PIP4P2: variants seen among roughly 807,000 people sequenced by gnomAD.
The protein encoded by PIP4P2 is phosphatidylinositol-4,5-bisphosphate 4-phosphatase 2, also known as type 2 phosphatidylinositol 4,5-bisphosphate 4-phosphatase.
PIP4P2 carries 19 observed loss-of-function variants against 33.3 expected under a neutral mutation model. The observed-to-expected ratio is 0.57, with a 90% CI of 0.40 to 0.84. The LOEUF is 0.84. Among genes scored for constraint, PIP4P2 ranks in the 40% least tolerant of loss-of-function variants. The pLI, the probability that PIP4P2 is intolerant of heterozygous loss-of-function variation, is 0.00. For missense variants in PIP4P2, 270 were observed against 324.7 expected, an observed-to-expected ratio of 0.83 and a Z score of 1.29; for synonymous variants, 110 against 111.9, an observed-to-expected ratio of 0.98 and a Z score of 0.11.
At chr8:91,013,237 T>A (rs1811863923) in intron 4 of PIP4P2, among the ~76,000 whole-genome samples, 1 of 152,098 alleles carries the variant, frequency 6.6e-6, no homozygotes. Context: ...ACTCAATATA[T>A]ATAATTGAAA....
At chr8:91,010,616 C>G (rs538800569) in intron 4 of PIP4P2, among the ~76,000 whole-genome samples, 8 of 151,848 alleles carry the variant, frequency 5.3e-5, no homozygotes, top group Non-Finnish European at 1.2e-4. Context: ...ACGGAGCAAA[C>G]TAATAACAAA....
At chr8:91,037,968 AC>A (rs1282090231) in intron 1 of PIP4P2, among the ~76,000 whole-genome samples, 1 of 152,168 alleles carries the variant, frequency 6.6e-6, no homozygotes, top group African/African-American at 2.4e-5. Flanking sequence ...TAATTTCTAT[AC>A]CTAAACAAAA....
At chr8:91,034,980 T>C (rs1412872081) in intron 1 of PIP4P2, among the ~76,000 whole-genome samples, 1 of 152,224 alleles carries the variant, frequency 6.6e-6, no homozygotes, top group Non-Finnish European at 1.5e-5. Context: ...CTTAGATTTC[T>C]CCAGGTATAG....
chr8:91,015,049 T>G (rs779833816), intron 4 of PIP4P2, among the ~76,000 whole-genome samples: 55 of 152,114 alleles, frequency 3.6e-4, no homozygotes, highest in Non-Finnish European at 6.3e-4. Context: ...ATAGAGCTTG[T>G]GGACCAGGAA....
intron 4 of PIP4P2, among the ~76,000 whole-genome samples, chr8:91,012,096 T>G (rs1358357430): frequency 2.6e-5 from 4 of 152,122 alleles, no homozygotes; most frequent in Admixed American, 6.6e-5. Flanking sequence ...TTGAGTATTT[T>G]GTCACAGGTC....
At chr8:91,031,877 T>A (rs953642080) in intron 1 of PIP4P2, among the ~76,000 whole-genome samples, 2 of 152,036 alleles carry the variant, frequency 1.3e-5, no homozygotes, top group Non-Finnish European at 2.9e-5. Flanking sequence ...TTTTCCTAAG[T>A]GTGTCCAGCT....
Position 91,008,730 on chromosome 8 carries a change from G to A in PIP4P2, c.539+13C>T. The A allele has an allele frequency of 6.2e-7, 1 of 1,606,878 alleles. No homozygotes were observed. The highest frequency in any genetic ancestry group is 8.5e-7 in the Non-Finnish European group (1 of 1,174,770). On this transcript the variant is annotated intron_variant, in intron 5 of 6. Transcript: ENST00000285419. ...GTATTTCTCAATAATATTTCCAATG[G>A]TAGGGAACTTACATTTTTTTGCAGT...
At chr8:91,021,558 G>A in intron 1 of PIP4P2, 154 bp from the exon 2 acceptor site, 1 of 793,784 alleles carries the variant, frequency 1.3e-6, no homozygotes, top group Admixed American at 2.9e-5. Context: ...TACTTTTAGA[G>A]CACAAACATC....
chr8:91,003,976 T>TAGATAGATA (rs1226592599), intron 5 of PIP4P2, among the ~76,000 whole-genome samples: 4 of 151,398 alleles, frequency 2.6e-5, no homozygotes, highest in African/African-American at 9.7e-5. Context: ...GATAGATAGA[T>TAGATAGATA]AGATAGATAG....
At chr8:91,031,746 C>T (rs769407846) in intron 1 of PIP4P2, among the ~76,000 whole-genome samples, 1 of 152,160 alleles carries the variant, frequency 6.6e-6, no homozygotes, top group Non-Finnish European at 1.5e-5. Context: ...AATATATTAT[C>T]TTTCTCATTT....
At chr8:91,014,445 A>G (rs1811883929) in intron 4 of PIP4P2, among the ~76,000 whole-genome samples, 1 of 152,284 alleles carries the variant, frequency 6.6e-6, no homozygotes, top group Middle Eastern at 3.4e-3. Flanking sequence ...ATTTGTAACA[A>G]CATGTATTAA....
Position 91,032,366 on chromosome 8 carries a change from T to A in PIP4P2, c.106+8278A>T, listed in dbSNP as rs184560528. Among the ~76,000 whole-genome samples, 23 of 152,128 alleles carry A rather than the reference T, an allele frequency of 1.5e-4. 1 individual carries two copies. The East Asian group carries it at 3.7e-3, about 24-fold the overall frequency. On this transcript the variant is annotated intron_variant, in intron 1 of 6. Transcript: ENST00000285419. ...TGCACACCCCCATTACCACCAAAAA[T>A]TTTTCTAAAAAAGCATAGAAACCCT...
chr8:91,023,703 G>T (rs1241342344), intron 1 of PIP4P2, among the ~76,000 whole-genome samples: 1 of 152,024 alleles, frequency 6.6e-6, no homozygotes, highest in Admixed American at 6.6e-5. Context: ...GCTCCACGAG[G>T]CCAGGGGCAC....
intron 6 of PIP4P2, 25 bp from the exon 7 acceptor site, chr8:90,995,845 C>A (rs1463861089): frequency 1.6e-5 from 26 of 1,581,610 alleles, no homozygotes; most frequent in Non-Finnish European, 2.1e-5. Context: ...AATATAAAAA[C>A]AAAATATTAG....
chr8:91,002,475 G>T (rs1212618590), intron 5 of PIP4P2, among the ~76,000 whole-genome samples: 2 of 152,140 alleles, frequency 1.3e-5, no homozygotes, highest in Non-Finnish European at 2.9e-5. Context: ...TGGTAGTGTA[G>T]CTAGTGCTAC....
Position 90,994,116 on chromosome 8 carries a change from A to G in PIP4P2, c.*1561T>C, listed in dbSNP as rs1022910672. The G allele has an allele frequency of 3.3e-5, 5 of 152,200 alleles. No individual in the cohort carries two copies. The highest frequency in any genetic ancestry group is 4.4e-5 in the Non-Finnish European group (3 of 67,998). 9.4% of individuals were successfully genotyped at this position (152,200 alleles called of 1,614,324 possible). Reference sequence around the variant, plus strand: ...TGTATTACAAATGGATTTAAAAACTATATTTTAAAAATAAAACCATTTGAA... The same window carrying G: ...TGTATTACAAATGGATTTAAAAACTGTATTTTAAAAATAAAACCATTTGAA... On this transcript the variant is annotated 3_prime_UTR_variant, in exon 7 of 7. Transcript: ENST00000285419.
chr8:90,999,703 A>T (rs556132748), intron 5 of PIP4P2, among the ~76,000 whole-genome samples: 1 of 152,172 alleles, frequency 6.6e-6, no homozygotes, highest in Non-Finnish European at 1.5e-5. Flanking sequence ...TGATATTAAC[A>T]TTACATTTTA....
chr8:91,022,648 G>A (rs1421475651), intron 1 of PIP4P2, among the ~76,000 whole-genome samples: 1 of 151,996 alleles, frequency 6.6e-6, no homozygotes, highest in East Asian at 1.9e-4. Flanking sequence ...TGAAATAAAG[G>A]TTTTCTATCC....
chr8:91,022,519 T>C (rs1411000507), intron 1 of PIP4P2, among the ~76,000 whole-genome samples: 1 of 152,134 alleles, frequency 6.6e-6, no homozygotes, highest in Non-Finnish European at 1.5e-5. Context: ...TCTTGGGACA[T>C]TTAGAAAGGG....
Sources: gnomAD v4.1 joint callset for allele counts (sites outside exome capture counted in the v4.1 genomes callset) on GRCh38, gnomAD v4.1.1 for gene constraint, MANE v1.5 for transcripts, NCBI Gene and HGNC (gene_info 2026-07-23, HGNC 2026-07-21) for gene names.